Variants in MTSS1 observed in about 807,000 individuals in gnomAD.
MTSS1 encodes the protein protein MTSS 1.
A neutral mutation model predicts 79.0 loss-of-function variants in MTSS1; 18 were observed. The ratio of observed to expected loss-of-function variants is 0.23; its 90% CI spans 0.16 to 0.34. The LOEUF (loss-of-function observed/expected upper bound fraction) is 0.34, where lower values mean the gene tolerates loss of function less well. Among genes scored for constraint, MTSS1 ranks in the 10% least tolerant of loss-of-function variants. The pLI is 1.00. For missense variants in MTSS1, 815 were observed against 986.2 expected (o/e 0.83, Z 2.33); for synonymous variants, 341 against 368.6 (o/e 0.93, Z 0.86).
rs183050496 is a variant in MTSS1, at chr8:124,655,459, A to C, written c.208+44067T>G. ...CCTTCCTCATCCCAGCAGAACAGGG[A>C]GGGGTTGCCACAGTGGCCTCCACAC... On this transcript the variant is annotated intron_variant, in intron 3 of 13. Transcript: ENST00000518547. Among the ~76,000 whole-genome samples, 67 of 152,288 alleles carry C rather than the reference A, an allele frequency of 4.4e-4. No homozygotes were observed. In the East Asian group the frequency reaches 9.4e-3, roughly 21 times the overall value.
chr8:124,567,542 T>C, intron 7 of MTSS1: 1 of 1,257,652 alleles, frequency 8.0e-7, no homozygotes, highest in Non-Finnish European at 1.0e-6. Context: ...TTGCTTAGCT[T>C]CAATGGATGA....
rs954249806 is a variant in MTSS1 at position 124,551,981 on chromosome 8, C to T, written c.*1011G>A. The stretch of plus-strand genomic sequence containing the variant: ...TTTTCAAAATACTTGGGCTTTTTAA[C>T]GCACCCAGCCTGCTGGGCACAGTTA... On this transcript the variant is annotated 3_prime_UTR_variant, in exon 14 of 14. Coordinates refer to ENST00000518547, the MANE Select transcript of MTSS1 (RefSeq NM_014751.6). 1.1e-4 allele frequency: 17 copies of T among 152,644 alleles called. No individual in the cohort carries two copies. The highest frequency in any genetic ancestry group is 2.2e-4 in the African/African-American group (9 of 41,456). 9.5% of individuals were successfully genotyped at this position (152,644 alleles called of 1,614,324 possible).
chr8:124,700,138 C>CAAA (rs35425469), intron 2 of MTSS1, among the ~76,000 whole-genome samples: 1 of 135,942 alleles, frequency 7.4e-6, no homozygotes, highest in East Asian at 2.1e-4. Flanking sequence ...GACTCTGCCT[C>CAAA]AAAAAAAAAA....
At position 124,658,882 on chromosome 8, in the gene MTSS1, G is replaced by A. The variant is rs75597850; in HGVS notation, c.208+40644C>T. Among the ~76,000 whole-genome samples, 1,499 of 152,298 alleles carry A rather than the reference G, an allele frequency of 9.8e-3. 25 individuals carry two copies. The highest frequency in any genetic ancestry group is 0.032 in the African/African-American group (1,325 of 41,558). ...TCCAGATCATATTAGCCAGCACCTC[G>A]ATCTTGGACTTCCCAGCCTCCAAAG... is the stretch of plus-strand genomic sequence containing the variant. On this transcript the variant is annotated intron_variant, in intron 3 of 13. Coordinates refer to ENST00000518547, the MANE Select transcript of MTSS1 (RefSeq NM_014751.6).
chr8:124,727,678 C>A lies in MTSS1; in HGVS notation c.72+206G>T. 1 of 669,486 alleles carries A rather than the reference C, an allele frequency of 1.5e-6. No homozygotes were observed. The highest frequency in any genetic ancestry group is 2.1e-5 in the Admixed American group (1 of 48,612). 41.5% of individuals were successfully genotyped at this position (669,486 alleles called of 1,614,324 possible). A position where few individuals can be genotyped will look rare whatever the true frequency, so the allele number is the denominator to read the frequency against. On this transcript the variant is annotated intron_variant, in intron 1 of 13. Coordinates refer to ENST00000518547, the MANE Select transcript of MTSS1 (RefSeq NM_014751.6). The surrounding 1 kb of genome is among the most constrained non-coding windows in gnomAD (Gnocchi z 4.7). ...GATGGCGTGGGACAGCAGACACCCCCCAGAGAAGCCACCCGCCCAGTGACC... is the reference window on the plus strand; with the variant it reads ...GATGGCGTGGGACAGCAGACACCCCACAGAGAAGCCACCCGCCCAGTGACC...
At chr8:124,653,494 C>CCTCCCTT (rs1820374401) in intron 3 of MTSS1, among the ~76,000 whole-genome samples, 1 of 152,180 alleles carries the variant, frequency 6.6e-6, no homozygotes, top group South Asian at 2.1e-4. Context: ...GAGGCCAAGG[C>CCTCCCTT]GGGTGGATCA....
chr8:124,689,287 G>C (rs1252074929), intron 3 of MTSS1, among the ~76,000 whole-genome samples: 2 of 152,072 alleles, frequency 1.3e-5, no homozygotes, highest in Non-Finnish European at 2.9e-5. Flanking sequence ...TATGTGGTCT[G>C]ACCAAACAGA....
intron 3 of MTSS1, among the ~76,000 whole-genome samples, chr8:124,664,231 C>A (rs868586605): frequency 5.9e-5 from 9 of 152,122 alleles, no homozygotes; most frequent in Admixed American, 3.3e-4. Flanking sequence ...GAACCACAGG[C>A]GTAAGTTCAA....
intron 5 of MTSS1, among the ~76,000 whole-genome samples, chr8:124,586,494 C>G (rs185947093): frequency 1.3e-5 from 2 of 152,306 alleles, no homozygotes; most frequent in African/African-American, 4.8e-5. Flanking sequence ...TCTCTCTCCC[C>G]CAACATCCTG....
chr8:124,676,203 C>G (rs1825259821), intron 3 of MTSS1, among the ~76,000 whole-genome samples: 1 of 152,192 alleles, frequency 6.6e-6, no homozygotes, highest in African/African-American at 2.4e-5. Flanking sequence ...TTAATCATAA[C>G]TCAGAATGTG....
At chr8:124,595,289 TTAG>T (rs1832564796) in intron 3 of MTSS1, among the ~76,000 whole-genome samples, 2 of 152,208 alleles carry the variant, frequency 1.3e-5, no homozygotes, top group Admixed American at 1.3e-4. Context: ...GACCACGAGC[TTAG>T]TGGCTTAAAA....
At chr8:124,724,182 C>T (rs1378895090) in intron 1 of MTSS1, among the ~76,000 whole-genome samples, 2 of 152,190 alleles carry the variant, frequency 1.3e-5, no homozygotes, top group African/African-American at 4.8e-5. Context: ...GTGTTGGACC[C>T]ACTACCCACA....
intron 3 of MTSS1, among the ~76,000 whole-genome samples, chr8:124,601,669 A>T (rs932445688): frequency 3.3e-5 from 5 of 152,174 alleles, no homozygotes; most frequent in African/African-American, 1.2e-4. Context: ...GTGTTGCATC[A>T]CAGAAGTTGC....
At chr8:124,648,636 GA>G (rs547274853) in intron 3 of MTSS1, among the ~76,000 whole-genome samples, 152 of 152,110 alleles carry the variant, frequency 1.0e-3, no homozygotes, top group African/African-American at 3.6e-3. Flanking sequence ...GTGACTCCAA[GA>G]AAGTCCAGCC....
chr8:124,691,314 T>G (rs1470449509), intron 3 of MTSS1, among the ~76,000 whole-genome samples: 4 of 152,200 alleles, frequency 2.6e-5, no homozygotes, highest in Admixed American at 2.6e-4. Flanking sequence ...AAATTTATCT[T>G]GAAGATATGC....
At chr8:124,686,436 G>A (rs148826926) in intron 3 of MTSS1, among the ~76,000 whole-genome samples, 4 of 152,212 alleles carry the variant, frequency 2.6e-5, no homozygotes, top group Non-Finnish European at 4.4e-5. Context: ...AGTTGTATAC[G>A]TGCAACTTGG....
At chr8:124,558,845 A>G in intron 10 of MTSS1, 1 of 1,547,870 alleles carries the variant, frequency 6.5e-7, no homozygotes, top group Non-Finnish European at 8.7e-7. Context: ...GCAGCAGGGG[A>G]GGGGCCACAC....
rs1342224891 is a variant in MTSS1, at chr8:124,597,449, G to T, written c.209-6214C>A. Among the ~76,000 whole-genome samples, 1 of 152,230 alleles carries T rather than the reference G, an allele frequency of 6.6e-6. No individual in the cohort carries two copies. The highest frequency in any genetic ancestry group is 6.5e-5 in the Admixed American group (1 of 15,284). ...TTTAATGCATATTTGGGGGGGTAGG[G>T]AGGAAATAAGAAAAGCAAAGTTTCC... On this transcript the variant is annotated intron_variant, in intron 3 of 13. Transcript: ENST00000518547. This position sits in a 1 kb window ranked among gnomAD's most constrained non-coding sequence, Gnocchi z 4.6.
At chr8:124,604,168 A>G (rs1808600) in intron 3 of MTSS1, among the ~76,000 whole-genome samples, 47,813 of 151,958 alleles carry the variant, frequency 0.31, 9,747 homozygotes, top group African/African-American at 0.57. Context: ...AGCCGAAATC[A>G]AGCCATTGCA....
Sources: allele counts gnomAD v4.1 joint callset (sites outside exome capture counted in the v4.1 genomes callset), GRCh38; gene constraint gnomAD v4.1.1; non-coding constraint Gnocchi (gnomAD v3.1); transcripts MANE v1.5; gene names NCBI Gene and HGNC (gene_info 2026-07-23, HGNC 2026-07-21).